The following MAGT1 variants were observed in gnomAD, a reference collection of about 807,000 sequenced individuals.
MAGT1 encodes the protein magnesium transporter 1.
Under a neutral mutation model 28.4 loss-of-function variants are expected in MAGT1, and 4 were observed. The observed-to-expected ratio is 0.14, with a 90% confidence interval of 0.07 to 0.32. The LOEUF (loss-of-function observed/expected upper bound fraction) is 0.32, where lower values mean the gene tolerates loss of function less well. Ranked by LOEUF, MAGT1 falls within the 10% of genes least tolerant of loss-of-function variation. The pLI is 1.00. For missense variants in MAGT1, 193 were observed against 264.5 expected (o/e 0.73, Z 1.88); for synonymous variants, 89 against 89.7 (o/e 0.99, Z 0.04).
intron 1 of MAGT1, among the ~76,000 whole-genome samples, chrX:77,881,064 T>C: frequency 9.3e-6 from 1 of 107,487 alleles, no homozygotes; most frequent in Non-Finnish European, 1.9e-5. Context: ...TGGGAGAGAA[T>C]GAACCAGGAG....
Position 77,839,275 on chromosome X carries a change from G to T in MAGT1, c.901+1971C>A, listed in dbSNP as rs781951339. Among the ~76,000 whole-genome samples the T allele has an allele frequency of 3.8e-5, 4 of 106,620 alleles. No homozygotes were observed. In the Admixed American group the frequency reaches 4.1e-4, roughly 11 times the overall value. The allele number at this position is 106,620 out of a possible 115,157, so 92.6% of individuals were successfully genotyped here. A position where few individuals can be genotyped will look rare whatever the true frequency, so the allele number is the denominator to read the frequency against. On this transcript the variant is annotated intron_variant, in intron 8 of 9. Coordinates refer to ENST00000618282, the MANE Select transcript of MAGT1 (RefSeq NM_001367916.1). Reference sequence around the variant, plus strand: ...GCTGAGATCGCGCCACCGCACTCCAGCCTGGGCGACAGAGCAAGACTCTGT... The same window carrying T: ...GCTGAGATCGCGCCACCGCACTCCATCCTGGGCGACAGAGCAAGACTCTGT...
chrX:77,872,809 T>G (rs2077023769), intron 2 of MAGT1, among the ~76,000 whole-genome samples: 1 of 112,371 alleles, frequency 8.9e-6, no homozygotes, highest in Non-Finnish European at 1.9e-5. Flanking sequence ...TTTTCATATG[T>G]GTAACTCATT....
intron 7 of MAGT1, among the ~76,000 whole-genome samples, chrX:77,847,704 G>A (rs1049679639): frequency 9.5e-6 from 1 of 105,567 alleles, no homozygotes. Context: ...TCTGCCTCCC[G>A]GGTTCAAGAA....
At chrX:77,868,698 T>C in intron 3 of MAGT1, 1 of 283,461 alleles carries the variant, frequency 3.5e-6, no homozygotes, top group South Asian at 3.5e-5. Flanking sequence ...CAAGTGCCTG[T>C]AATCCCAGCT....
chrX:77,843,765 A>G (rs999376886), intron 7 of MAGT1, among the ~76,000 whole-genome samples: 5 of 111,895 alleles, frequency 4.5e-5, no homozygotes, highest in Non-Finnish European at 9.4e-5. Context: ...TACATGTCCC[A>G]TGTTGCTGTG....
At chrX:77,852,297 G>C (rs2076970709) in intron 7 of MAGT1, among the ~76,000 whole-genome samples, 1 of 112,351 alleles carries the variant, frequency 8.9e-6, no homozygotes, top group African/African-American at 3.2e-5. Context: ...CCAGGTTTGG[G>C]CTGGATGTGA....
rs782075006 is a variant in MAGT1 at position 77,881,394 on chromosome X, A to T, written c.103-5797T>A. Among the ~76,000 whole-genome samples, 5 of 106,686 alleles carry T rather than the reference A, an allele frequency of 4.7e-5. No homozygotes were observed. The East Asian group carries it at 1.2e-3, about 26-fold the overall frequency. The allele number at this position is 106,686 out of a possible 115,157, so 92.6% of individuals were successfully genotyped here. A position where few individuals can be genotyped will look rare whatever the true frequency, so the allele number is the denominator to read the frequency against. On this transcript the variant is annotated intron_variant, in intron 1 of 9. Coordinates refer to ENST00000618282, the MANE Select transcript of MAGT1 (RefSeq NM_001367916.1). ...ACTAGTCTTTTACATTAGGTATATC[A>T]CCTAATGCTATCCCTCCCCCTCCCC...
At position 77,868,728 on chromosome X, in the gene MAGT1, G is replaced by A. The variant is rs910998889; in HGVS notation, c.390+2080C>T. ...CCAGCTACTTGGGAGGCTGAGGCAG[G>A]AAAATTGCTTGAACCCAAAAGGCAG... On this transcript the variant is annotated intron_variant, in intron 3 of 9. Coordinates refer to ENST00000618282, the MANE Select transcript of MAGT1 (RefSeq NM_001367916.1). 1.2e-4 allele frequency: 32 copies of A among 267,963 alleles called. No individual in the cohort carries two copies. In the Middle Eastern group the frequency reaches 9.5e-3, roughly 80 times the overall value. The allele number at this position is 267,963 out of a possible 1,213,427, so 22.1% of individuals were successfully genotyped here.
In MAGT1 at chrX:77,870,944, G is replaced by A. The variant is rs375973779; in HGVS notation, c.273-19C>T. 1.8e-6 allele frequency: 2 copies of A among 1,106,177 alleles called. No individual in the cohort carries two copies. The highest frequency in any genetic ancestry group is 3.7e-5 in the South Asian group (2 of 54,702). The allele number at this position is 1,106,177 out of a possible 1,213,427, so 91.2% of individuals were successfully genotyped here. A position where few individuals can be genotyped will look rare whatever the true frequency, so the allele number is the denominator to read the frequency against. On this transcript the variant is annotated intron_variant, in intron 2 of 9. Coordinates refer to ENST00000618282, the MANE Select transcript of MAGT1 (RefSeq NM_001367916.1). ...AGCTTGCCTGGATGCAATGAGATTC[G>A]TAAAGATAACATATAAAACAATTTT...
chrX:77,893,505 G>A (rs2077089889), intron 1 of MAGT1, among the ~76,000 whole-genome samples: 1 of 111,438 alleles, frequency 9.0e-6, no homozygotes, highest in African/African-American at 3.3e-5. Flanking sequence ...TTTTCAGCTA[G>A]GCTGTTGTGC....
intron 1 of MAGT1, among the ~76,000 whole-genome samples, chrX:77,884,300 A>T (rs1258759391): frequency 8.9e-6 from 1 of 112,331 alleles, no homozygotes; most frequent in Non-Finnish European, 1.9e-5. Flanking sequence ...ATTTTAAGAT[A>T]TTCTAAAGCA....
At chrX:77,865,930 C>T (rs62614902) in intron 3 of MAGT1, among the ~76,000 whole-genome samples, 17,984 of 64,976 alleles carry the variant, frequency 0.28, 5,046 homozygotes, top group Non-Finnish European at 0.49. Context: ...CCAAGGCGGG[C>T]AGATCACCCG....
chrX:77,885,308 AG>A (rs1345587709), intron 1 of MAGT1: 1 of 107,673 alleles, frequency 9.3e-6, no homozygotes, highest in Non-Finnish European at 1.9e-5. Flanking sequence ...GCGGATCATG[AG>A]GTCAGGAGTT....
chrX:77,881,259 T>G (rs1184180938), intron 1 of MAGT1, among the ~76,000 whole-genome samples: 1 of 111,330 alleles, frequency 9.0e-6, no homozygotes, highest in Non-Finnish European at 1.9e-5. Flanking sequence ...CATATTTTGT[T>G]TTTTTTATAT....
chrX:77,840,527 C>T (rs1308488413), intron 8 of MAGT1, among the ~76,000 whole-genome samples: 2 of 110,554 alleles, frequency 1.8e-5, no homozygotes, highest in African/African-American at 6.6e-5. Context: ...TGAAAAAAAT[C>T]GGAATAGTTA....
intron 1 of MAGT1, among the ~76,000 whole-genome samples, chrX:77,882,942 G>A (rs1236732377): frequency 4.8e-5 from 5 of 103,291 alleles, no homozygotes; most frequent in African/African-American, 1.4e-4. Context: ...GAACTCTAGC[G>A]GGGACAACAG....
intron 1 of MAGT1, among the ~76,000 whole-genome samples, chrX:77,880,186 T>C (rs1473092355): frequency 2.7e-5 from 3 of 109,407 alleles, no homozygotes; most frequent in Non-Finnish European, 5.7e-5. Flanking sequence ...TGACCACAAT[T>C]TTATGTCACA....
chrX:77,863,444 G>A lies in MAGT1; in HGVS notation c.391-5947C>T, dbSNP rs781876446. Among the ~76,000 whole-genome samples, 3 of 105,617 alleles carry A rather than the reference G, an allele frequency of 2.8e-5. No individual in the cohort carries two copies. In the Admixed American group the frequency reaches 3.1e-4, roughly 11 times the overall value. The allele number at this position is 105,617 out of a possible 115,157, so 91.7% of individuals were successfully genotyped here. A position where few individuals can be genotyped will look rare whatever the true frequency, so the allele number is the denominator to read the frequency against. ...GCAGGAGAATGGCGTGAACCCGGGA[G>A]GCGGAGCTTGTAGTGAGCCGAGATC... On this transcript the variant is annotated intron_variant, in intron 3 of 9. Transcript: ENST00000618282.
chrX:77,892,640 T>C (rs1422093828), intron 1 of MAGT1, among the ~76,000 whole-genome samples: 3 of 109,279 alleles, frequency 2.7e-5, no homozygotes, highest in African/African-American at 1.0e-4. Flanking sequence ...CTACAAAAAA[T>C]ATAAAAATTA....
Sources: allele counts gnomAD v4.1 joint callset (sites outside exome capture counted in the v4.1 genomes callset), GRCh38; gene constraint gnomAD v4.1.1; transcripts MANE v1.5; gene names NCBI Gene and HGNC (gene_info 2026-07-23, HGNC 2026-07-21).